ZNF644: variants seen among roughly 807,000 people sequenced by gnomAD.
ZNF644 encodes the protein zinc finger protein 644.
ZNF644 carries 20 observed loss-of-function variants against 108.0 expected under a neutral mutation model. The observed-to-expected ratio is 0.19, with a 90% CI of 0.13 to 0.27. The LOEUF (loss-of-function observed/expected upper bound fraction) is 0.27, where lower values mean the gene tolerates loss of function less well. Among genes scored for constraint, ZNF644 ranks in the 10% least tolerant of loss-of-function variants. The pLI is 1.00. For synonymous variants in ZNF644, 542 were observed against 539.1 expected (o/e 1.01, Z -0.08); for missense variants, 1,338 against 1,548.9 (o/e 0.86, Z 2.29).
At chr1:90,989,615 G>C (rs1657442755) in intron 1 of ZNF644, among the ~76,000 whole-genome samples, 1 of 152,110 alleles carries the variant, frequency 6.6e-6, no homozygotes, top group Non-Finnish European at 1.5e-5. Context: ...TAAACTACAA[G>C]ATATCACCTT....
chr1:90,938,529 G>C lies in ZNF644; in HGVS notation c.2825C>G (p.Ala942Gly). ...ACTATGCTTTGACAATGAAGCATCT[G>C]CAGTTTCTAAATGCTGAGGATCATG... is the stretch of plus-strand genomic sequence containing the variant. The part of the protein sequence containing the change: ...EIHDPQHLET[A>G]DASLSKHSSV... The change falls in exon 3 of 6, where the codon GCA (alanine) becomes GGA (glycine). Residue 942 changes from alanine (A) to glycine (G), a missense_variant. Coordinates refer to ENST00000337393, the MANE Select transcript of ZNF644 (RefSeq NM_201269.3). This position sits in a 1 kb window ranked among gnomAD's most constrained non-coding sequence, Gnocchi z 4.2. The C allele has an allele frequency of 6.2e-7, 1 of 1,613,952 alleles. No homozygotes were observed. Among genetic ancestry groups the C allele is most frequent in the Non-Finnish European group, 8.5e-7 (1 of 1,179,912 alleles).
At chr1:91,011,746 T>C (rs1659974674) in intron 1 of ZNF644, among the ~76,000 whole-genome samples, 1 of 152,294 alleles carries the variant, frequency 6.6e-6, no homozygotes, top group African/African-American at 2.4e-5. Flanking sequence ...AACAGGTAGA[T>C]GCCTACCTAT....
At chr1:91,007,618 C>G (rs895267990) in intron 1 of ZNF644, among the ~76,000 whole-genome samples, 7 of 152,120 alleles carry the variant, frequency 4.6e-5, no homozygotes, top group Non-Finnish European at 7.3e-5. Flanking sequence ...TGGGAGTTTT[C>G]TCAACTTTAT....
intron 1 of ZNF644, among the ~76,000 whole-genome samples, chr1:91,016,586 A>ACTATTGAC (rs976120665): frequency 1.5e-4 from 23 of 152,358 alleles, no homozygotes; most frequent in African/African-American, 5.5e-4. Context: ...AATGCAGTCC[A>ACTATTGAC]CTATTGACCA....
intron 2 of ZNF644, among the ~76,000 whole-genome samples, chr1:90,981,778 C>A (rs1656576802): frequency 6.6e-6 from 1 of 152,024 alleles, no homozygotes; most frequent in Admixed American, 6.5e-5. Context: ...TCAGTAGAGA[C>A]ACCCACTAGG....
chr1:90,979,330 G>A (rs1324892412), intron 2 of ZNF644, among the ~76,000 whole-genome samples: 1 of 151,990 alleles, frequency 6.6e-6, no homozygotes, highest in Non-Finnish European at 1.5e-5. Flanking sequence ...AAATTTAGCT[G>A]GGTGTGGTGT....
At chr1:90,959,366 T>C (rs955523878) in intron 2 of ZNF644, among the ~76,000 whole-genome samples, 2 of 152,150 alleles carry the variant, frequency 1.3e-5, no homozygotes, top group Non-Finnish European at 2.9e-5. Flanking sequence ...TTGAGCTAGA[T>C]TACCATATGA....
chr1:91,009,282 A>C (rs1659726397), intron 1 of ZNF644, among the ~76,000 whole-genome samples: 1 of 152,158 alleles, frequency 6.6e-6, no homozygotes, highest in African/African-American at 2.4e-5. Context: ...TAAAACTCTA[A>C]AACTATTAGT....
chr1:90,932,583 A>C (rs1457669726), intron 4 of ZNF644, among the ~76,000 whole-genome samples: 1 of 152,200 alleles, frequency 6.6e-6, no homozygotes, highest in Non-Finnish European at 1.5e-5. Context: ...CTAGGGCCAT[A>C]GGTTTTTAGG....
In ZNF644 at chr1:90,938,026, A is replaced by G. The variant is rs1651529569; in HGVS notation, c.3147T>C (p.Thr1049=). 6.2e-7 allele frequency: 1 copy of G among 1,610,802 alleles called. No individual in the cohort carries two copies. Among genetic ancestry groups the G allele is most frequent in the Non-Finnish European group, 8.5e-7 (1 of 1,179,842 alleles). ...TCQLCGGWFD[T]KIGLSNHVRG... ...TAACATGATTTGATAATCCAATTTT[A>G]GTATCAAACCAACCACCACAGAGCT... Residue 1049 remains threonine, a synonymous_variant, in exon 4 of 6, where the codon ACT becomes ACC. Transcript: ENST00000337393. The surrounding 1 kb of genome is among the most constrained non-coding windows in gnomAD (Gnocchi z 4.2).
intron 4 of ZNF644, among the ~76,000 whole-genome samples, chr1:90,929,364 G>T (rs2100853173): frequency 6.6e-6 from 1 of 152,262 alleles, no homozygotes; most frequent in South Asian, 2.1e-4. Context: ...TGACAGCAGA[G>T]ACATGTCTCA....
In ZNF644 at chr1:90,916,207, C is replaced by T. The variant is rs1242047530; in HGVS notation, c.*591G>A. The T allele has an allele frequency of 6.6e-6, 1 of 152,410 alleles. No homozygotes were observed. Among genetic ancestry groups the T allele is most frequent in the South Asian group, 2.1e-4 (1 of 4,824 alleles). 9.4% of individuals were successfully genotyped at this position (152,410 alleles called of 1,614,324 possible). A position where few individuals can be genotyped will look rare whatever the true frequency, so the allele number is the denominator to read the frequency against. On this transcript the variant is annotated 3_prime_UTR_variant, in exon 6 of 6. Transcript: ENST00000337393. ...ATACTTGTTTAAACAAATCTCCCTC[C>T]ACTTTTTAGTATAAAAAAAACCGTT... is the stretch of plus-strand genomic sequence containing the variant.
chr1:90,976,470 T>C (rs1656018177), intron 2 of ZNF644, among the ~76,000 whole-genome samples: 1 of 152,212 alleles, frequency 6.6e-6, no homozygotes, highest in African/African-American at 2.4e-5. Context: ...AGACCAATCA[T>C]AGAAGGCTAA....
chr1:90,917,651 C>A (rs1016231448), intron 5 of ZNF644, among the ~76,000 whole-genome samples: 2 of 152,142 alleles, frequency 1.3e-5, no homozygotes, highest in Non-Finnish European at 2.9e-5. Context: ...GCACCCGCTA[C>A]AAAGCCTGGC....
rs573924075 is a variant in ZNF644 at position 91,000,395 on chromosome 1, C to T, written c.-17-18025G>A. ...CAGGATTAAGAAACTCACTCAAAAC[C>T]GCTCAACTACATGGAAACTGAACAA... is the stretch of plus-strand genomic sequence containing the variant. On this transcript the variant is annotated intron_variant, in intron 1 of 5. Transcript: ENST00000337393. Among the ~76,000 whole-genome samples the T allele has an allele frequency of 7.9e-5, 12 of 152,122 alleles. No homozygotes were observed. In the East Asian group the frequency reaches 1.7e-3, roughly 22 times the overall value.
intron 4 of ZNF644, among the ~76,000 whole-genome samples, chr1:90,932,140 GA>G (rs1184817631): frequency 6.6e-6 from 1 of 152,134 alleles, no homozygotes; most frequent in African/African-American, 2.4e-5. Context: ...GTGTATTCAG[GA>G]TACTTGAAGA....
intron 1 of ZNF644, among the ~76,000 whole-genome samples, chr1:91,002,664 C>A (rs890370917): frequency 3.3e-5 from 5 of 152,048 alleles, no homozygotes; most frequent in African/African-American, 4.8e-5. Flanking sequence ...GCAACAAAAG[C>A]CAAAATTGAC....
At chr1:90,992,033 A>C (rs1010521778) in intron 1 of ZNF644, among the ~76,000 whole-genome samples, 3 of 152,236 alleles carry the variant, frequency 2.0e-5, no homozygotes, top group African/African-American at 7.2e-5. Context: ...TGAGTTAAAA[A>C]AAAACTCCAA....
At position 90,980,651 on chromosome 1, in the gene ZNF644, A is replaced by G. The variant is rs182267515; in HGVS notation, c.44+1659T>C. ...AATAAAACAGCAATAAAAAATAATG[A>G]ACTGCTGACATAGTCACAACATAGA... On this transcript the variant is annotated intron_variant, in intron 2 of 5. Coordinates refer to ENST00000337393, the MANE Select transcript of ZNF644 (RefSeq NM_201269.3). 1.4e-4 allele frequency among the ~76,000 whole-genome samples: 22 copies of G among 152,356 alleles called. No individual in the cohort carries two copies. In the East Asian group the frequency reaches 4.0e-3, roughly 28 times the overall value.
Sources: allele counts gnomAD v4.1 joint callset (sites outside exome capture counted in the v4.1 genomes callset), GRCh38; gene constraint gnomAD v4.1.1; non-coding constraint Gnocchi (gnomAD v3.1); transcripts MANE v1.5; gene names NCBI Gene and HGNC (gene_info 2026-07-23, HGNC 2026-07-21).